The following PCCA variants were observed in gnomAD, a reference collection of about 807,000 sequenced individuals.
The protein encoded by PCCA is propionyl-CoA carboxylase subunit alpha.
Under a neutral mutation model 101.3 loss-of-function variants are expected in PCCA, and 74 were observed. The observed-to-expected ratio is 0.73, with a 90% CI of 0.61 to 0.89. The LOEUF (loss-of-function observed/expected upper bound fraction) is 0.89. PCCA is among the 40% of genes least tolerant of loss of function. PCCA has a pLI of 0.00. For synonymous variants in PCCA, 294 were observed against 313.6 expected (o/e 0.94, Z 0.66); for missense variants, 891 against 907.0 (o/e 0.98, Z 0.23).
intron 12 of PCCA, among the ~76,000 whole-genome samples, chr13:100,296,552 G>A (rs991756472): frequency 4.0e-5 from 6 of 151,860 alleles, no homozygotes; most frequent in East Asian, 3.9e-4. Flanking sequence ...GTACCCTGAC[G>A]TATTTTTCTT....
intron 17 of PCCA, among the ~76,000 whole-genome samples, chr13:100,335,537 C>A (rs1410058042): frequency 2.0e-5 from 3 of 152,208 alleles, no homozygotes. Context: ...GGTAGCACTA[C>A]TGACCTAAAA....
intron 7 of PCCA, among the ~76,000 whole-genome samples, chr13:100,235,468 A>G (rs1476116142): frequency 6.6e-6 from 1 of 152,182 alleles, no homozygotes; most frequent in Non-Finnish European, 1.5e-5. Flanking sequence ...AAAACATGAC[A>G]CATAATATTG....
chr13:100,179,745 TTGTG>T (rs60348261), intron 6 of PCCA, among the ~76,000 whole-genome samples: 4 of 93,776 alleles, frequency 4.3e-5, no homozygotes, highest in African/African-American at 8.0e-5. Context: ...GTGTGTGTGT[TTGTG>T]TGTGTGTGTA....
intron 19 of PCCA, among the ~76,000 whole-genome samples, chr13:100,400,506 T>C (rs748840633): frequency 3.3e-5 from 5 of 152,130 alleles, no homozygotes; most frequent in Non-Finnish European, 7.3e-5. Context: ...GGTTGGGAAT[T>C]ATAGTGTTGG....
chr13:100,186,738 C>CAAAAAAAAAAAAAAAAAAAAAA (rs376028376), intron 6 of PCCA, among the ~76,000 whole-genome samples: 2 of 84,078 alleles, frequency 2.4e-5, no homozygotes, highest in Non-Finnish European at 4.8e-5. Context: ...GATTCCATCT[C>CAAAAAAAAAAAAAAAAAAAAAA]AAAAAAAAAA....
chr13:100,319,360 T>C (rs1208830259), intron 16 of PCCA, among the ~76,000 whole-genome samples: 3 of 152,176 alleles, frequency 2.0e-5, no homozygotes, highest in South Asian at 2.1e-4. Context: ...TTTGTCAATT[T>C]TGGCTTTTGT....
intron 20 of PCCA, among the ~76,000 whole-genome samples, chr13:100,444,778 G>A (rs1437018195): frequency 5.3e-5 from 8 of 151,990 alleles, no homozygotes; most frequent in African/African-American, 1.9e-4. Flanking sequence ...TGCCCGCCTC[G>A]GTCTCCCAAA....
chr13:100,491,373 C>G (rs142198268), intron 21 of PCCA: 1 of 189,832 alleles, frequency 5.3e-6, no homozygotes, highest in African/African-American at 2.4e-5. Flanking sequence ...TTTGAAAGAA[C>G]ATCACGTGAC....
intron 6 of PCCA, among the ~76,000 whole-genome samples, chr13:100,162,653 AGT>A (rs1211286549): frequency 2.6e-5 from 4 of 152,114 alleles, no homozygotes; most frequent in Non-Finnish European, 4.4e-5. Context: ...CTTGGATGCC[AGT>A]GAAGGCAAAT....
At chr13:100,448,160 G>C (rs1393935144) in intron 20 of PCCA, among the ~76,000 whole-genome samples, 1 of 152,126 alleles carries the variant, frequency 6.6e-6, no homozygotes, top group East Asian at 1.9e-4. Flanking sequence ...TGAGGAATAC[G>C]TTAGGATTAA....
intron 7 of PCCA, among the ~76,000 whole-genome samples, chr13:100,211,980 G>C (rs899195908): frequency 6.6e-6 from 1 of 152,078 alleles, no homozygotes; most frequent in Non-Finnish European, 1.5e-5. Flanking sequence ...GGCTCAAGCA[G>C]TCCTTCCCCT....
chr13:100,125,402 ACGGCAAAGCCT>A (rs1473901307), intron 4 of PCCA, among the ~76,000 whole-genome samples: 2 of 152,216 alleles, frequency 1.3e-5, no homozygotes, highest in African/African-American at 4.8e-5. Context: ...AAAAAGTCTT[ACGGCAAAGCCT>A]CTGGAGAGTG....
At chr13:100,427,746 A>T (rs1445646369) in intron 20 of PCCA, among the ~76,000 whole-genome samples, 1 of 151,604 alleles carries the variant, frequency 6.6e-6, no homozygotes, top group Admixed American at 6.6e-5. Flanking sequence ...AAAAAAAAAA[A>T]GGTAAGGAGA....
chr13:100,468,390 G>C (rs576363067), intron 21 of PCCA, among the ~76,000 whole-genome samples: 4 of 152,330 alleles, frequency 2.6e-5, no homozygotes, highest in African/African-American at 9.6e-5. Context: ...CTCCTCTCTA[G>C]TTGTGAAAGT....
At chr13:100,468,839 A>G (rs766081103) in intron 21 of PCCA, among the ~76,000 whole-genome samples, 3 of 152,164 alleles carry the variant, frequency 2.0e-5, no homozygotes, top group Non-Finnish European at 4.4e-5. Context: ...AGCCTGGCCA[A>G]CATGGTGAAA....
chr13:100,495,281 G>C (rs1458620332), intron 21 of PCCA, among the ~76,000 whole-genome samples: 1 of 152,114 alleles, frequency 6.6e-6, no homozygotes, highest in Non-Finnish European at 1.5e-5. Context: ...ATGTTCCTGA[G>C]TAATTGCACA....
chr13:100,492,152 T>G (rs939223581), intron 21 of PCCA, among the ~76,000 whole-genome samples: 23 of 152,174 alleles, frequency 1.5e-4, no homozygotes, highest in South Asian at 6.2e-4. Context: ...TTTTTTTTTT[T>G]GGGACGGAGT....
chr13:100,471,837 G>A (rs1266374722), intron 21 of PCCA, among the ~76,000 whole-genome samples: 4 of 152,308 alleles, frequency 2.6e-5, no homozygotes, highest in African/African-American at 9.6e-5. Flanking sequence ...TCGTGTGCAG[G>A]CCAACTAGGG....
intron 4 of PCCA, among the ~76,000 whole-genome samples, chr13:100,134,369 C>A (rs188041884): frequency 2.2e-4 from 33 of 152,196 alleles, no homozygotes; most frequent in Admixed American, 3.3e-4. Flanking sequence ...TATTCTGGTT[C>A]ATTTGCCTTT....
Sources: allele counts gnomAD v4.1 joint callset (sites outside exome capture counted in the v4.1 genomes callset), GRCh38; gene constraint gnomAD v4.1.1; transcripts MANE v1.5; gene names NCBI Gene and HGNC (gene_info 2026-07-23, HGNC 2026-07-21).